The following PDE1A variants were observed in gnomAD, a reference collection of about 807,000 sequenced individuals.
PDE1A encodes the protein phosphodiesterase 1A, also known as dual specificity calcium/calmodulin-dependent 3',5'-cyclic nucleotide phosphodiesterase 1A.
PDE1A carries 35 observed loss-of-function variants against 61.7 expected under a neutral mutation model. The observed-to-expected ratio is 0.57, with a 90% CI of 0.43 to 0.75. The LOEUF is 0.75. PDE1A is among the 30% of genes least tolerant of loss of function. The pLI is 0.00. For synonymous variants in PDE1A, 232 were observed against 213.2 expected (o/e 1.09, Z -0.77); for missense variants, 597 against 630.6 (o/e 0.95, Z 0.57).
intron 2 of PDE1A, among the ~76,000 whole-genome samples, chr2:182,440,829 T>G (rs1165617806): frequency 1.3e-5 from 2 of 152,048 alleles, no homozygotes; most frequent in Non-Finnish European, 2.9e-5. Context: ...TGTTGATTTT[T>G]CTGCTCAAGC....
intron 13 of PDE1A, among the ~76,000 whole-genome samples, chr2:182,157,199 G>C (rs1010541757): frequency 6.6e-6 from 1 of 151,628 alleles, no homozygotes; most frequent in Non-Finnish European, 1.5e-5. Flanking sequence ...ATTTTTAGTA[G>C]AGACAGGATT....
chr2:182,204,792 C>G (rs1686961769), intron 8 of PDE1A, among the ~76,000 whole-genome samples: 1 of 152,102 alleles, frequency 6.6e-6, no homozygotes, highest in South Asian at 2.1e-4. Flanking sequence ...GTGCCCCAAC[C>G]CCTGTATTGT....
chr2:182,443,885 T>A (rs918423423), intron 2 of PDE1A, among the ~76,000 whole-genome samples: 3 of 151,944 alleles, frequency 2.0e-5, no homozygotes, highest in Admixed American at 6.6e-5. Context: ...GTATTTTTAG[T>A]AGAGATGAGG....
intron 2 of PDE1A, among the ~76,000 whole-genome samples, chr2:182,475,810 G>A (rs1687320316): frequency 6.6e-6 from 1 of 151,860 alleles, no homozygotes; most frequent in African/African-American, 2.4e-5. Flanking sequence ...GAATGGAAAT[G>A]GAGCCCTTTC....
Position 182,361,723 on chromosome 2 carries a change from G to A in PDE1A, c.53+64855C>T, listed in dbSNP as rs1699523211. On this transcript the variant is annotated intron_variant, in intron 1 of 13. Coordinates refer to ENST00000351439, the Ensembl canonical transcript of PDE1A. The stretch of plus-strand genomic sequence containing the variant: ...AAACATTAATTTAGCAGGGAACACA[G>A]CCACTTTAATAGGAAAATGTTTAAG... Among the ~76,000 whole-genome samples, 13 of 152,124 alleles carry A rather than the reference G, an allele frequency of 8.5e-5. No homozygotes were observed. The South Asian group carries it at 2.7e-3, about 31-fold the overall frequency.
At chr2:182,205,917 T>C (rs1354402485) in intron 8 of PDE1A, 23 bp downstream of exon 8, 1 of 1,587,896 alleles carries the variant, frequency 6.3e-7, no homozygotes, top group South Asian at 1.1e-5. Context: ...TTAAATTTCC[T>C]CTAGGTTTTC....
At chr2:182,671,361 T>TTTTTTTTTTGTTTTTTTTC in the PDE1A span, among the ~76,000 whole-genome samples, 1 of 114,206 alleles carries the variant, frequency 8.8e-6, no homozygotes, top group Non-Finnish European at 1.8e-5. Flanking sequence ...TTTTTTTTTT[T>TTTTTTTTTTGTTTTTTTTC]GTATTTTTAG....
chr2:182,150,712 C>T (rs942974475), intron 13 of PDE1A, among the ~76,000 whole-genome samples: 1 of 152,094 alleles, frequency 6.6e-6, no homozygotes, highest in Admixed American at 6.6e-5. Context: ...CTTCAAGGAG[C>T]AGGGAGGGGA....
intron 7 of PDE1A, among the ~76,000 whole-genome samples, chr2:182,208,815 TC>T (rs756942999): frequency 3.9e-5 from 6 of 152,162 alleles, no homozygotes; most frequent in South Asian, 2.1e-4. Flanking sequence ...GGGCCTACAG[TC>T]CCTTTGTTTG....
At chr2:182,168,288 C>T (rs778754588) in exon 14 of PDE1A, 4 of 1,570,340 alleles carry the variant, frequency 2.5e-6, no homozygotes, top group Non-Finnish European at 2.6e-6. Flanking sequence ...CTGGTTCTTG[C>T]TTCTGAAAAA....
intron 2 of PDE1A, among the ~76,000 whole-genome samples, chr2:182,507,387 C>T (rs935853955): frequency 3.3e-5 from 5 of 152,056 alleles, no homozygotes; most frequent in African/African-American, 9.7e-5. Context: ...CTCACATGTC[C>T]GGTAGTTAAC....
intron 1 of PDE1A, among the ~76,000 whole-genome samples, chr2:182,424,648 C>A (rs559883814): frequency 6.1e-4 from 93 of 152,334 alleles, no homozygotes; most frequent in Admixed American, 1.4e-3. Context: ...AAAAGTACAA[C>A]TAGCTATCGG....
Position 182,452,440 on chromosome 2 carries a change from T to G in PDE1A, c.101+69836A>C, listed in dbSNP as rs564266747. Reference sequence around the variant, plus strand: ...TGATAAGTGCACGCTAGAAGTCTGCTGTCCTAACAAAGATTAAATTCCTGT... The same window carrying G: ...TGATAAGTGCACGCTAGAAGTCTGCGGTCCTAACAAAGATTAAATTCCTGT... On this transcript the variant is annotated intron_variant, in intron 2 of 14. Coordinates refer to the PDE1A transcript ENST00000410103. Among the ~76,000 whole-genome samples, 4 of 152,306 alleles carry G rather than the reference T, an allele frequency of 2.6e-5. No individual in the cohort carries two copies. The East Asian group carries it at 7.7e-4, about 30-fold the overall frequency.
At chr2:182,579,276 C>G in the PDE1A span, among the ~76,000 whole-genome samples, 1 of 152,190 alleles carries the variant, frequency 6.6e-6, no homozygotes, top group Non-Finnish European at 1.5e-5. Flanking sequence ...ATTCTGTCTG[C>G]TACTCACTTG....
In PDE1A at chr2:182,433,792, C is replaced by T. The variant is rs143294274; in HGVS notation, c.101+88484G>A. ...GTACCCTTCATCTCAAAACCCTGAC[C>T]TTTGGCTCATTCCCCACTACCTGTG... On this transcript the variant is annotated intron_variant, in intron 2 of 14. Transcript: ENST00000410103. Among the ~76,000 whole-genome samples the T allele has an allele frequency of 1.7e-3, 264 of 152,176 alleles. 1 individual carries two copies. The highest frequency in any genetic ancestry group is 6.2e-3 in the African/African-American group (256 of 41,540).
intron 1 of PDE1A, among the ~76,000 whole-genome samples, chr2:182,380,574 C>T (rs1700676736): frequency 6.6e-6 from 1 of 152,156 alleles, no homozygotes; most frequent in Non-Finnish European, 1.5e-5. Flanking sequence ...TAAAATTTAT[C>T]TTCAATGGAT....
chr2:182,242,943 G>GTT lies in PDE1A; in HGVS notation c.168-2652_168-2651insAA, dbSNP rs1553550798. Among the ~76,000 whole-genome samples, 18 of 137,472 alleles carry GTT rather than the reference G, an allele frequency of 1.3e-4. No individual in the cohort carries two copies. In the East Asian group the frequency reaches 3.0e-3, roughly 23 times the overall value. The allele number at this position is 137,472 out of a possible 152,430, so 90.2% of individuals were successfully genotyped here. On this transcript the variant is annotated intron_variant, in intron 2 of 13. Coordinates refer to ENST00000351439, the Ensembl canonical transcript of PDE1A. The stretch of plus-strand genomic sequence containing the variant: ...CTCTCTCTCGTGTGTGTATGTGTGT[G>GTT]TGTGTGTTGTGTAGCTGTTGGTTTG...
rs1422259175 is a variant in PDE1A, at chr2:182,262,292, A to G, written c.167+2009T>C. 2.1e-5 allele frequency among the ~76,000 whole-genome samples: 3 copies of G among 144,598 alleles called. No homozygotes were observed. The East Asian group carries it at 6.1e-4, about 29-fold the overall frequency. 94.9% of individuals were successfully genotyped at this position (144,598 alleles called of 152,430 possible). On this transcript the variant is annotated intron_variant, in intron 2 of 13. Coordinates refer to ENST00000351439, the Ensembl canonical transcript of PDE1A. ...TTTTATTCATTTATCTATTGACATG[A>G]TCTCACTCTGTCACCCAGATTGGAG...
At chr2:182,527,970 C>T (rs1690802026), upstream of PDE1A, among the ~76,000 whole-genome samples, 1 of 152,052 alleles carries the variant, frequency 6.6e-6, no homozygotes, top group Non-Finnish European at 1.5e-5. Context: ...CATTAAACCG[C>T]TTTTTCTTTA....
Sources: allele counts gnomAD v4.1 joint callset (sites outside exome capture counted in the v4.1 genomes callset), GRCh38; gene constraint gnomAD v4.1.1; transcripts MANE v1.5; gene names NCBI Gene and HGNC (gene_info 2026-07-23, HGNC 2026-07-21).